NLRP4: variants seen among roughly 807,000 people sequenced by gnomAD.
The protein encoded by NLRP4 is NACHT, LRR and PYD domains-containing protein 4.
Under a neutral mutation model 84.7 loss-of-function variants are expected in NLRP4, and 44 were observed. The ratio of observed to expected loss-of-function variants is 0.52; its 90% CI spans 0.41 to 0.67. The LOEUF (loss-of-function observed/expected upper bound fraction) is 0.67. NLRP4 is among the 30% of genes least tolerant of loss of function. The probability of loss-of-function intolerance (pLI) is 0.00; values close to 1 mark genes in which losing one functional copy is unlikely to be tolerated. For synonymous variants in NLRP4, 544 were observed against 476.4 expected (o/e 1.14, Z -1.85); for missense variants, 1,260 against 1,219.4 (o/e 1.03, Z -0.50).
At chr19:55,865,377 C>T (rs1200306783) in intron 5 of NLRP4, among the ~76,000 whole-genome samples, 2 of 152,170 alleles carry the variant, frequency 1.3e-5, no homozygotes, top group African/African-American at 4.8e-5. Flanking sequence ...TTTTCTTTAT[C>T]TAGCCCACTG....
chr19:55,838,695 ATATAAG>A (rs373224643), intron 1 of NLRP4, among the ~76,000 whole-genome samples: 120 of 152,302 alleles, frequency 7.9e-4, no homozygotes, highest in Non-Finnish European at 1.4e-3. Flanking sequence ...CTCTACTCTT[ATATAAG>A]TATTTTTCCT....
At chr19:55,865,207 T>C (rs151060640) in intron 5 of NLRP4, among the ~76,000 whole-genome samples, 39 of 152,330 alleles carry the variant, frequency 2.6e-4, no homozygotes, top group African/African-American at 9.1e-4. Flanking sequence ...ACTCAGTGTT[T>C]AGCGTCCACT....
Position 55,852,142 on chromosome 19 carries a change from A to T in NLRP4, c.62A>T (p.Glu21Val). 1 of 1,607,394 alleles carries T rather than the reference A, an allele frequency of 6.2e-7. No individual in the cohort carries two copies. The highest frequency in any genetic ancestry group is 8.5e-7 in the Non-Finnish European group (1 of 1,177,600). ...TGGTATCTGGAGGAGCTCAAAAAGG[A>T]GGAGTTCAGGAAATTTAAAGAACAT... Reference protein sequence around the residue: ...LMWYLEELKKEEFRKFKEHLK... With the variant: ...LMWYLEELKKVEFRKFKEHLK... The change falls in exon 2 of 10, where the codon GAG becomes GTG. Residue 21 changes from glutamate (E) to valine (V), a missense_variant. Physicochemically the swap from Glu to Val is moderately radical, Grantham distance 121. Around this residue, in one of 3 missense-constraint regions of NLRP4, gnomAD observed 712 missense variants for 669.2 expected, o/e 1.06. Coordinates refer to ENST00000301295, the MANE Select transcript of NLRP4 (RefSeq NM_134444.5).
At chr19:55,857,011 T>C (rs1383102408) in intron 2 of NLRP4, among the ~76,000 whole-genome samples, 2 of 152,248 alleles carry the variant, frequency 1.3e-5, no homozygotes, top group Non-Finnish European at 2.9e-5. Flanking sequence ...GAAACCTATA[T>C]GTGTATATAA....
intron 1 of NLRP4, among the ~76,000 whole-genome samples, chr19:55,845,303 T>C (rs1186215745): frequency 6.6e-6 from 1 of 151,676 alleles, no homozygotes; most frequent in Non-Finnish European, 1.5e-5. Context: ...TGCAATAGTT[T>C]GCTGAGAATG....
chr19:55,853,994 G>T, intron 2 of NLRP4, among the ~76,000 whole-genome samples: 1 of 146,220 alleles, frequency 6.8e-6, no homozygotes, highest in African/African-American at 2.6e-5. Context: ...CTTTGATACA[G>T]AGTCACGCTC....
At chr19:55,870,725 T>C (rs1985143247) in intron 6 of NLRP4, 102 bp from the exon 7 acceptor site, 1 of 793,634 alleles carries the variant, frequency 1.3e-6, no homozygotes, top group African/African-American at 1.7e-5. Flanking sequence ...GCTGGGGAGT[T>C]TGTAAGATTA....
At chr19:55,848,158 G>T (rs1240957364) in intron 1 of NLRP4, among the ~76,000 whole-genome samples, 1 of 152,110 alleles carries the variant, frequency 6.6e-6, no homozygotes, top group Non-Finnish European at 1.5e-5. Flanking sequence ...AGAAGCACTG[G>T]TCAGGTATTT....
intron 1 of NLRP4, among the ~76,000 whole-genome samples, chr19:55,849,994 A>ACTGCGGTGTGATTTCCGTAG (rs1568658334): frequency 1.9e-4 from 2 of 10,258 alleles, no homozygotes; most frequent in African/African-American, 6.2e-4. Flanking sequence ...AATTTCCGAG[A>ACTGCGGTGTGATTTCCGTAG]CTGCGGTGTG....
At chr19:55,864,160 A>T (rs766454558) in intron 5 of NLRP4, among the ~76,000 whole-genome samples, 2 of 152,196 alleles carry the variant, frequency 1.3e-5, no homozygotes, top group Non-Finnish European at 2.9e-5. Flanking sequence ...TACAACCATC[A>T]TGACTGATTT....
At chr19:55,864,103 C>G (rs302427) in intron 5 of NLRP4, among the ~76,000 whole-genome samples, 1 of 151,910 alleles carries the variant, frequency 6.6e-6, no homozygotes, top group South Asian at 2.1e-4. Context: ...TATAACTATG[C>G]TTTAAAATGT....
chr19:55,858,513 T>C lies in NLRP4; in HGVS notation c.1120T>C (p.Ser374Pro). Residue 374 changes from serine (S) to proline (P), a missense_variant, in exon 3 of 10, where the codon TCT becomes CCT. Around this residue, in one of 3 missense-constraint regions of NLRP4, gnomAD observed 712 missense variants for 669.2 expected, o/e 1.06. Transcript: ENST00000301295. This position sits in a 1 kb window ranked among gnomAD's most constrained non-coding sequence, Gnocchi z 4.2. ...TCQSTTSVYS[S>P]FVFNLFTPEG... is the part of the protein sequence containing the mutation. Reference sequence around the variant, plus strand: ...CCAGAGCACTACCTCTGTGTACTCCTCTTTCGTCTTTAACCTGTTCACACC... The same window carrying C: ...CCAGAGCACTACCTCTGTGTACTCCCCTTTCGTCTTTAACCTGTTCACACC... The C allele has an allele frequency of 6.2e-7, 1 of 1,614,156 alleles. No homozygotes were observed. The highest frequency in any genetic ancestry group is 1.3e-5 in the African/African-American group (1 of 75,046).
At chr19:55,855,090 G>A (rs1046688183) in intron 2 of NLRP4, among the ~76,000 whole-genome samples, 5 of 152,060 alleles carry the variant, frequency 3.3e-5, no homozygotes, top group Admixed American at 6.6e-5. Flanking sequence ...ACACGCTGAG[G>A]TCTCAGCTAC....
chr19:55,867,213 T>G (rs990127420), intron 5 of NLRP4, among the ~76,000 whole-genome samples: 1 of 151,060 alleles, frequency 6.6e-6, no homozygotes, highest in Non-Finnish European at 1.5e-5. Context: ...GTTGGCTGTC[T>G]CTGTACCCCG....
chr19:55,854,794 C>T (rs1381509028), intron 2 of NLRP4, among the ~76,000 whole-genome samples: 1 of 152,114 alleles, frequency 6.6e-6, no homozygotes, highest in East Asian at 1.9e-4. Context: ...TTTTGGCTCA[C>T]TGCAACCTCA....
At position 55,861,319 on chromosome 19, in the gene NLRP4, T is replaced by C. The variant is rs951784706; in HGVS notation, c.1857-67T>C. ...CTGTTTGAGAAGACAGCGTAGTGCG[T>C]ATATGTGTTACAAGTGGCTCGTGTT... On this transcript the variant is annotated intron_variant, in intron 3 of 9. Transcript: ENST00000301295. 3.5e-5 allele frequency: 47 copies of C among 1,345,072 alleles called. No homozygotes were observed. The African/African-American group carries it at 5.7e-4, about 16-fold the overall frequency. 83.3% of individuals were successfully genotyped at this position (1,345,072 alleles called of 1,614,324 possible).
rs777026046 is a variant in NLRP4 at position 55,858,755 on chromosome 19, T to TA, written c.1363dup (p.Ile455AsnfsTer17). Reference sequence around the variant, plus strand: ...GCTCCTACGTGTTCCTCCACGTGTGTATCCAGGAGTTCTGTGCCGCCTTGT... The same window carrying TA: ...GCTCCTACGTGTTCCTCCACGTGTGTAATCCAGGAGTTCTGTGCCGCCTTGT... On this transcript the variant is annotated frameshift_variant, in exon 3 of 10. Transcript: ENST00000301295. LOFTEE classifies it high-confidence loss of function. The surrounding 1 kb of genome is among the most constrained non-coding windows in gnomAD (Gnocchi z 4.2). 16 of 1,614,088 alleles carry TA rather than the reference T, an allele frequency of 9.9e-6. No homozygotes were observed. Among genetic ancestry groups the TA allele is most frequent in the Non-Finnish European group, 1.3e-5 (15 of 1,180,038 alleles).
At chr19:55,837,695 C>T in intron 1 of NLRP4, among the ~76,000 whole-genome samples, 1 of 151,940 alleles carries the variant, frequency 6.6e-6, no homozygotes, top group East Asian at 1.9e-4. Flanking sequence ...CGAGGTCATA[C>T]TGGAGTGAGT....
chr19:55,873,780 C>T (rs1463176264), intron 7 of NLRP4, among the ~76,000 whole-genome samples: 2 of 152,120 alleles, frequency 1.3e-5, no homozygotes, highest in Non-Finnish European at 2.9e-5. Context: ...TCTTCCTACT[C>T]AGTTGAACTT....
Sources: gnomAD v4.1 joint callset for allele counts (sites outside exome capture counted in the v4.1 genomes callset) on GRCh38, gnomAD v4.1.1 for gene constraint, gnomAD v4.1.1 regional missense constraint, Gnocchi (gnomAD v3.1) non-coding constraint, MANE v1.5 for transcripts, NCBI Gene and HGNC (gene_info 2026-07-23, HGNC 2026-07-21) for gene names.